EGFLAM: variants seen among roughly 807,000 people sequenced by gnomAD.
The protein encoded by EGFLAM is EGF like, fibronectin type III and laminin G domains.
Under a neutral mutation model 113.1 loss-of-function variants are expected in EGFLAM, and 79 were observed. That is an observed-to-expected ratio of 0.70 (90% CI 0.58 to 0.84). The LOEUF is 0.84. Among genes scored for constraint, EGFLAM ranks in the 40% least tolerant of loss-of-function variants. EGFLAM has a pLI of 0.00. For synonymous variants in EGFLAM, 504 were observed against 487.6 expected (o/e 1.03, Z -0.44); for missense variants, 1,265 against 1,291.6 (o/e 0.98, Z 0.32).
intron 16 of EGFLAM, 29 bp from the exon 17 acceptor site, chr5:38,438,246 T>A: frequency 6.3e-7 from 1 of 1,594,046 alleles, no homozygotes. Flanking sequence ...TCTTAATTCC[T>A]GAATTTCTTT....
chr5:38,306,172 T>C (rs1758713784), intron 1 of EGFLAM, among the ~76,000 whole-genome samples: 1 of 152,210 alleles, frequency 6.6e-6, no homozygotes, highest in African/African-American at 2.4e-5. Context: ...GTCTAATAAA[T>C]GATTCCTTGA....
chr5:38,332,478 T>TG (rs1485245128), intron 1 of EGFLAM, among the ~76,000 whole-genome samples: 1 of 152,116 alleles, frequency 6.6e-6, no homozygotes, highest in Non-Finnish European at 1.5e-5. Context: ...GAGACCAGCT[T>TG]GGTTGGGGAG....
chr5:38,338,612 CT>C, intron 2 of EGFLAM, 85 bp from the exon 3 acceptor site: 3 of 1,268,196 alleles, frequency 2.4e-6, no homozygotes, highest in Non-Finnish European at 3.4e-6. Flanking sequence ...ACCTCAGAGC[CT>C]GCTGCCACTG....
chr5:38,302,863 A>G (rs540865822), intron 1 of EGFLAM, among the ~76,000 whole-genome samples: 16 of 152,172 alleles, frequency 1.1e-4, no homozygotes, highest in Non-Finnish European at 1.8e-4. Context: ...TTTTCCAAAC[A>G]GGCCATAAGA....
intron 1 of EGFLAM, among the ~76,000 whole-genome samples, chr5:38,283,539 C>A (rs1758077689): frequency 6.6e-6 from 1 of 152,134 alleles, no homozygotes; most frequent in African/African-American, 2.4e-5. Flanking sequence ...TGGCAGGGTA[C>A]AATCTTAGAA....
At chr5:38,415,235 C>G (rs978742967) in intron 11 of EGFLAM, among the ~76,000 whole-genome samples, 1 of 151,538 alleles carries the variant, frequency 6.6e-6, no homozygotes, top group Non-Finnish European at 1.5e-5. Context: ...TGGTGGTGGG[C>G]GCCTGTAATC....
At chr5:38,276,750 C>G (rs920713644) in intron 1 of EGFLAM, among the ~76,000 whole-genome samples, 14 of 151,524 alleles carry the variant, frequency 9.2e-5, no homozygotes, top group Non-Finnish European at 2.1e-4. Flanking sequence ...ACCGTGATAC[C>G]ACAGAAACAC....
In EGFLAM at chr5:38,463,990, C is replaced by A; in HGVS notation, c.*4C>A. ...CAACACTTGTGGAGCCAAGTAACAC[C>A]AGCTGGCCTTGTCCAAGGGACAGAG... is the stretch of plus-strand genomic sequence containing the variant. On this transcript the variant is annotated 3_prime_UTR_variant, in exon 22 of 22. Transcript: ENST00000322350. 6.2e-7 allele frequency: 1 copy of A among 1,614,212 alleles called. No homozygotes were observed. Among genetic ancestry groups the A allele is most frequent in the Non-Finnish European group, 8.5e-7 (1 of 1,180,044 alleles).
At chr5:38,428,064 C>T (rs67857070) in intron 14 of EGFLAM, among the ~76,000 whole-genome samples, 7,557 of 152,202 alleles carry the variant, frequency 0.05, 295 homozygotes, top group African/African-American at 0.11. Context: ...GGCCACTAAT[C>T]GCATGCAGAC....
At chr5:38,337,361 G>C (rs1739214961) in intron 1 of EGFLAM, among the ~76,000 whole-genome samples, 159 bp from the exon 2 acceptor site, 1 of 152,208 alleles carries the variant, frequency 6.6e-6, no homozygotes, top group Non-Finnish European at 1.5e-5. Flanking sequence ...AGTGAGGTCA[G>C]CTGAGATAGG....
intron 1 of EGFLAM, among the ~76,000 whole-genome samples, chr5:38,289,222 C>T (rs1390181661): frequency 6.6e-6 from 1 of 152,080 alleles, no homozygotes; most frequent in Non-Finnish European, 1.5e-5. Flanking sequence ...TTCCTTTCCT[C>T]TCCTTCTCTA....
At chr5:38,309,568 A>G (rs1033327119) in intron 1 of EGFLAM, among the ~76,000 whole-genome samples, 1 of 152,100 alleles carries the variant, frequency 6.6e-6, no homozygotes, top group African/African-American at 2.4e-5. Flanking sequence ...TTTGAGCCCA[A>G]TGTACCCCAT....
chr5:38,416,537 C>T (rs1425918185), intron 11 of EGFLAM, among the ~76,000 whole-genome samples: 2 of 152,222 alleles, frequency 1.3e-5, no homozygotes, highest in African/African-American at 2.4e-5. Context: ...AGGCAACCCT[C>T]ATCTGAAATG....
intron 1 of EGFLAM, among the ~76,000 whole-genome samples, chr5:38,335,908 T>C (rs190545410): frequency 6.6e-6 from 1 of 152,284 alleles, no homozygotes; most frequent in Non-Finnish European, 1.5e-5. Flanking sequence ...TAAAAAGAAA[T>C]CTCACCAGGA....
intron 17 of EGFLAM, among the ~76,000 whole-genome samples, chr5:38,447,743 C>T (rs1017834933): frequency 1.6e-4 from 21 of 133,908 alleles, no homozygotes; most frequent in African/African-American, 5.3e-4. Flanking sequence ...GCAACCAGAG[C>T]GAAACTTTGT....
At chr5:38,380,887 C>T (rs1282682279) in intron 6 of EGFLAM, among the ~76,000 whole-genome samples, 1 of 152,110 alleles carries the variant, frequency 6.6e-6, no homozygotes, top group South Asian at 2.1e-4. Context: ...CCCCCTCTGG[C>T]TAGGTAGAGA....
chr5:38,448,267 T>TGC, intron 17 of EGFLAM, 34 bp from the exon 18 acceptor site: 1 of 1,612,884 alleles, frequency 6.2e-7, no homozygotes, highest in South Asian at 1.1e-5. Flanking sequence ...GAGAACCACA[T>TGC]ACTATGTAAC....
At chr5:38,259,132 GA>G (rs1379067547) in intron 1 of EGFLAM, among the ~76,000 whole-genome samples, 8 of 152,246 alleles carry the variant, frequency 5.3e-5, no homozygotes, top group African/African-American at 1.7e-4. Flanking sequence ...TGACAGTTGG[GA>G]CAGCGATCGT....
At chr5:38,358,056 G>A (rs1739810576) in intron 5 of EGFLAM, among the ~76,000 whole-genome samples, 1 of 149,390 alleles carries the variant, frequency 6.7e-6, no homozygotes, top group Non-Finnish European at 1.5e-5. Context: ...GCTGAGGCAG[G>A]AAGACCACTT....
Sources: allele counts gnomAD v4.1 joint callset (sites outside exome capture counted in the v4.1 genomes callset), GRCh38; gene constraint gnomAD v4.1.1; transcripts MANE v1.5; gene names NCBI Gene and HGNC (gene_info 2026-07-23, HGNC 2026-07-21).